Variants in BAALC observed in about 807,000 individuals in gnomAD.
The protein encoded by BAALC is BAALC binder of MAP3K1 and KLF4.
BAALC carries 9 observed loss-of-function variants against 15.5 expected under a neutral mutation model. The ratio of observed to expected loss-of-function variants is 0.58; its 90% CI spans 0.35 to 1.02. The LOEUF is 1.02. BAALC is among the 50% of genes least tolerant of loss of function. BAALC has a pLI of 0.02. For synonymous variants in BAALC, 80 were observed against 74.6 expected (o/e 1.07, Z -0.37); for missense variants, 201 against 192.4 (o/e 1.04, Z -0.27).
intron 1 of BAALC, chr8:103,172,045 C>A (rs1811508180): frequency 6.6e-6 from 1 of 152,226 alleles, no homozygotes; most frequent in Non-Finnish European, 1.5e-5. Context: ...AATGACTGGG[C>A]TTTCCTTTAA....
At chr8:103,205,640 AC>A (rs2130044960) in intron 1 of BAALC, among the ~76,000 whole-genome samples, 1 of 152,310 alleles carries the variant, frequency 6.6e-6, no homozygotes, top group Admixed American at 6.5e-5. Flanking sequence ...GATACAGGGA[AC>A]TTGTTAAGAT....
In BAALC at chr8:103,224,493, G is replaced by A. The variant is rs188332413; in HGVS notation, c.328-3496G>A. ...TATTTTCTGGTAGACAATTGGTTGC[G>A]TTTATCTGAAGACCTAGGATCAATA... On this transcript the variant is annotated intron_variant, in intron 2 of 2. Coordinates refer to ENST00000309982, the MANE Select transcript of BAALC (RefSeq NM_024812.3). Among the ~76,000 whole-genome samples, 30 of 152,222 alleles carry A rather than the reference G, an allele frequency of 2.0e-4. 1 individual carries two copies. The East Asian group carries it at 5.2e-3, about 26-fold the overall frequency.
chr8:103,197,078 T>C (rs1214995080), intron 1 of BAALC, among the ~76,000 whole-genome samples: 2 of 152,236 alleles, frequency 1.3e-5, no homozygotes, highest in Non-Finnish European at 2.9e-5. Flanking sequence ...ATTTGAACTA[T>C]GGATTACCTT....
At chr8:103,147,095 C>T (rs994284705) in intron 1 of BAALC, among the ~76,000 whole-genome samples, 2 of 152,242 alleles carry the variant, frequency 1.3e-5, no homozygotes, top group Non-Finnish European at 1.5e-5. Context: ...AATGAATGAT[C>T]TAGCTGTGCA....
rs117268408 is a variant in BAALC at position 103,195,674 on chromosome 8, T to C, written c.161-17245T>C. Among the ~76,000 whole-genome samples the C allele has an allele frequency of 1.2e-4, 19 of 152,340 alleles. No homozygotes were observed. The East Asian group carries it at 3.5e-3, about 28-fold the overall frequency. On this transcript the variant is annotated intron_variant, in intron 1 of 2. Transcript: ENST00000309982. Reference sequence around the variant, plus strand: ...TCCATAGGAATTAGAAGAGCAAGCATGGTTCATGTTTGCACTTGCTTTCTC... The same window carrying C: ...TCCATAGGAATTAGAAGAGCAAGCACGGTTCATGTTTGCACTTGCTTTCTC...
chr8:103,144,459 T>A (rs1810840971), intron 1 of BAALC, among the ~76,000 whole-genome samples: 1 of 152,214 alleles, frequency 6.6e-6, no homozygotes, highest in South Asian at 2.1e-4. Context: ...GGAAATTAAA[T>A]TGGTCTGACA....
At chr8:103,193,274 C>G (rs757838358) in intron 1 of BAALC, among the ~76,000 whole-genome samples, 3 of 152,226 alleles carry the variant, frequency 2.0e-5, no homozygotes, top group Non-Finnish European at 4.4e-5. Flanking sequence ...AAATCTGGGT[C>G]TCCTGCTTCA....
Position 103,212,990 on chromosome 8 carries a change from G to GAGA in BAALC, c.239_241dup (p.Lys80dup). The GAGA allele has an allele frequency of 6.2e-7, 1 of 1,614,108 alleles. No homozygotes were observed. The highest frequency in any genetic ancestry group is 8.5e-7 in the Non-Finnish European group (1 of 1,179,966). On this transcript the variant is annotated inframe_insertion, in exon 2 of 3. Transcript: ENST00000309982. The stretch of plus-strand genomic sequence containing the variant: ...AGCCCCAGGTGGAATACCCAACCCA[G>GAGA]AGAAGAAGACGAACTGTGAGACCCA...
intron 1 of BAALC, 120 bp downstream of exon 1, chr8:103,141,177 G>A (rs2129839478): frequency 8.4e-7 from 1 of 1,192,564 alleles, no homozygotes; most frequent in Non-Finnish European, 1.1e-6. Flanking sequence ...TGGCTGGGAG[G>A]AAGCAGAGGC....
At position 103,228,617 on chromosome 8, in the gene BAALC, A is replaced by C. The variant is rs1812857104; in HGVS notation, c.*518A>C. 6.5e-6 allele frequency: 1 copy of C among 152,920 alleles called. No individual in the cohort carries two copies. Among genetic ancestry groups the C allele is most frequent in the African/African-American group, 2.4e-5 (1 of 41,468 alleles). The allele number at this position is 152,920 out of a possible 1,614,324, so 9.5% of individuals were successfully genotyped here. Reference sequence around the variant, plus strand: ...CAACTCTAAACCCACATATTGAAAAAATCAAGGTACAGGAAAACTCCTTGT... The same window carrying C: ...CAACTCTAAACCCACATATTGAAAACATCAAGGTACAGGAAAACTCCTTGT... On this transcript the variant is annotated 3_prime_UTR_variant, in exon 3 of 3. Coordinates refer to ENST00000309982, the MANE Select transcript of BAALC (RefSeq NM_024812.3).
intron 1 of BAALC, among the ~76,000 whole-genome samples, chr8:103,171,077 T>G (rs1360943776): frequency 2.1e-5 from 3 of 144,634 alleles, no homozygotes; most frequent in Non-Finnish European, 4.5e-5. Context: ...AGCTGAACAC[T>G]GAGAAATCTA....
At chr8:103,191,652 C>T (rs1811970907) in intron 1 of BAALC, among the ~76,000 whole-genome samples, 1 of 152,000 alleles carries the variant, frequency 6.6e-6, no homozygotes, top group Non-Finnish European at 1.5e-5. Context: ...GGTCAGATCA[C>T]ACAAGCAGGT....
chr8:103,220,541 A>G (rs1275091765), intron 2 of BAALC, among the ~76,000 whole-genome samples: 1 of 152,220 alleles, frequency 6.6e-6, no homozygotes, highest in African/African-American at 2.4e-5. Flanking sequence ...GGGCAATACT[A>G]TAAATGAATG....
intron 1 of BAALC, among the ~76,000 whole-genome samples, chr8:103,143,939 T>C (rs1272304023): frequency 1.6e-4 from 24 of 152,178 alleles, no homozygotes; most frequent in Admixed American, 1.6e-3. Context: ...GCCTTTCTGA[T>C]CGCACAACTT....
intron 1 of BAALC, among the ~76,000 whole-genome samples, chr8:103,199,462 T>C (rs1434946265): frequency 1.3e-5 from 2 of 152,160 alleles, no homozygotes; most frequent in African/African-American, 4.8e-5. Context: ...GATAGGCAAG[T>C]GTTTTATATT....
At chr8:103,164,492 A>G (rs1436035964) in intron 1 of BAALC, among the ~76,000 whole-genome samples, 1 of 152,164 alleles carries the variant, frequency 6.6e-6, no homozygotes, top group Non-Finnish European at 1.5e-5. Context: ...GATGGATGTG[A>G]TCGTGTCACT....
At chr8:103,202,593 CAAAG>C (rs1419006772) in intron 1 of BAALC, among the ~76,000 whole-genome samples, 2 of 152,220 alleles carry the variant, frequency 1.3e-5, no homozygotes, top group African/African-American at 2.4e-5. Flanking sequence ...CAAGGAGACA[CAAAG>C]AGGAAAGAGA....
intron 1 of BAALC, among the ~76,000 whole-genome samples, chr8:103,147,443 AT>A (rs201205235): frequency 7.9e-5 from 12 of 151,706 alleles, no homozygotes; most frequent in African/African-American, 2.4e-4. Context: ...ATAAATGCAG[AT>A]TTTTTTTTCT....
chr8:103,155,507 G>A (rs969271096), intron 1 of BAALC, among the ~76,000 whole-genome samples: 1 of 152,256 alleles, frequency 6.6e-6, no homozygotes, highest in South Asian at 2.1e-4. Context: ...TCGGCCAGGC[G>A]CTGGATGCAG....
Sources: gnomAD v4.1 joint callset for allele counts (sites outside exome capture counted in the v4.1 genomes callset) on GRCh38, gnomAD v4.1.1 for gene constraint, MANE v1.5 for transcripts, NCBI Gene and HGNC (gene_info 2026-07-23, HGNC 2026-07-21) for gene names.